HNRNPLL: variants seen among roughly 807,000 people sequenced by gnomAD.
HNRNPLL encodes the protein heterogeneous nuclear ribonucleoprotein L like, also known as heterogeneous nuclear ribonucleoprotein L-like.
HNRNPLL carries 25 observed loss-of-function variants against 67.1 expected under a neutral mutation model. That is an observed-to-expected ratio of 0.37 (90% CI 0.27 to 0.52). HNRNPLL has a LOEUF of 0.52. Among genes scored for constraint, HNRNPLL ranks in the 20% least tolerant of loss-of-function variants. The probability of loss-of-function intolerance (pLI) is 0.90; values close to 1 mark genes in which losing one functional copy is unlikely to be tolerated. For synonymous variants in HNRNPLL, 267 were observed against 241.7 expected (o/e 1.10, Z -0.97); for missense variants, 542 against 673.9 (o/e 0.80, Z 2.17).
chr2:38,567,198 G>T (rs146807955), intron 12 of HNRNPLL, among the ~76,000 whole-genome samples: 46 of 152,260 alleles, frequency 3.0e-4, no homozygotes, highest in African/African-American at 1.0e-3. Flanking sequence ...CACCTCCCAG[G>T]TTCAAGCAAT....
intron 1 of HNRNPLL, among the ~76,000 whole-genome samples, chr2:38,595,739 A>G (rs1011991414): frequency 2.4e-4 from 36 of 152,044 alleles, no homozygotes; most frequent in South Asian, 4.1e-4. Context: ...AGCTACTTGG[A>G]AGGCTGAGGC....
chr2:38,597,383 T>C (rs564824317), intron 1 of HNRNPLL, among the ~76,000 whole-genome samples: 27 of 152,252 alleles, frequency 1.8e-4, no homozygotes, highest in African/African-American at 6.5e-4. Context: ...ATCAATGCAG[T>C]CCCAAGAATA....
At position 38,602,538 on chromosome 2, in the gene HNRNPLL, C is replaced by G; in HGVS notation, c.89G>C (p.Gly30Ala). The G allele has an allele frequency of 6.4e-7, 1 of 1,559,840 alleles. No homozygotes were observed. Among genetic ancestry groups the G allele is most frequent in the Non-Finnish European group, 8.7e-7 (1 of 1,152,754 alleles). ...SQAKRLKTEE[G>A]EIDYSAEEGE... is the part of the protein sequence containing the mutation. ...TTCCTCGGCCGAGTAGTCGATCTCCCCCTCCTCGGTCTTGAGACGCTTGGC... is the reference window on the plus strand; with the variant it reads ...TTCCTCGGCCGAGTAGTCGATCTCCGCCTCCTCGGTCTTGAGACGCTTGGC... Residue 30 changes from glycine (G) to alanine (A), a missense_variant, in exon 1 of 13, where the codon GGG (glycine) becomes GCG (alanine). Physicochemically the swap from Gly to Ala is moderately conservative, Grantham distance 60. Around this residue, in one of 2 missense-constraint regions of HNRNPLL, gnomAD observed 127 missense variants for 98.7 expected, o/e 1.29. Coordinates refer to ENST00000449105, the MANE Select transcript of HNRNPLL (RefSeq NM_138394.4).
chr2:38,589,382 G>A (rs966879878), intron 2 of HNRNPLL, among the ~76,000 whole-genome samples: 1 of 152,120 alleles, frequency 6.6e-6, no homozygotes, highest in Non-Finnish European at 1.5e-5. Flanking sequence ...TTTCCAAATT[G>A]TAACATTTTG....
intron 1 of HNRNPLL, among the ~76,000 whole-genome samples, chr2:38,594,852 G>C (rs1009076822): frequency 2.6e-5 from 4 of 151,948 alleles, no homozygotes; most frequent in Non-Finnish European, 5.9e-5. Context: ...GCTGAGGCAA[G>C]AGAATTGCTT....
At chr2:38,599,281 T>G (rs1667327977) in intron 1 of HNRNPLL, among the ~76,000 whole-genome samples, 1 of 152,238 alleles carries the variant, frequency 6.6e-6, no homozygotes, top group African/African-American at 2.4e-5. Flanking sequence ...GATTTGCCTG[T>G]TTATTCACTA....
Position 38,562,809 on chromosome 2 carries a change from C to T in HNRNPLL, c.*1373G>A, listed in dbSNP as rs1665715886. ...ATAAATGTTAATGTGTGTTTAGTTT[C>T]CATCTAAACTTCCTATTAAACAGCT... On this transcript the variant is annotated 3_prime_UTR_variant, in exon 13 of 13. Coordinates refer to ENST00000449105, the MANE Select transcript of HNRNPLL (RefSeq NM_138394.4). 1 of 152,054 alleles carries T rather than the reference C, an allele frequency of 6.6e-6. No homozygotes were observed. The highest frequency in any genetic ancestry group is 6.6e-5 in the Admixed American group (1 of 15,266). 9.4% of individuals were successfully genotyped at this position (152,054 alleles called of 1,614,324 possible).
At chr2:38,596,637 A>T (rs1667204411) in intron 1 of HNRNPLL, among the ~76,000 whole-genome samples, 1 of 152,174 alleles carries the variant, frequency 6.6e-6, no homozygotes, top group African/African-American at 2.4e-5. Context: ...ACTGGTGAAC[A>T]AATCAGTTTT....
At position 38,568,410 on chromosome 2, in the gene HNRNPLL, T is replaced by C. The variant is rs756999172; in HGVS notation, c.1450A>G (p.Lys484Glu). The C allele has an allele frequency of 6.2e-7, 1 of 1,608,776 alleles. No homozygotes were observed. The highest frequency in any genetic ancestry group is 1.1e-5 in the South Asian group (1 of 90,436). ...CNDHEVLTFIKYKVFDAKPSA... is the reference protein window; with the variant it reads ...CNDHEVLTFIEYKVFDAKPSA... ...CGTTTTGCATCAAACACTTTATATT[T>C]GATGAATGTAAGAACTTCATGGTCA... Residue 484 changes from lysine (K) to glutamate (E), a missense_variant, in exon 11 of 13, where the codon AAA becomes GAA. Around this residue, in one of 2 missense-constraint regions of HNRNPLL, gnomAD observed 415 missense variants for 575.2 expected, o/e 0.72. Coordinates refer to ENST00000449105, the MANE Select transcript of HNRNPLL (RefSeq NM_138394.4).
At position 38,602,417 on chromosome 2, in the gene HNRNPLL, AG is replaced by A. The variant is rs776125820; in HGVS notation, c.189+20del. 1.9e-6 allele frequency: 3 copies of A among 1,544,344 alleles called. No homozygotes were observed. Among genetic ancestry groups the A allele is most frequent in the East Asian group, 4.8e-5 (2 of 41,960 alleles). ...CGGGGAGCAGCCAGGCACAGCGGACAGGGGGGCCGCGCTTTGTTACCGGCTG... is the reference window on the plus strand; with the variant it reads ...CGGGGAGCAGCCAGGCACAGCGGACAGGGGGCCGCGCTTTGTTACCGGCTG... On this transcript the variant is annotated intron_variant, in intron 1 of 12. Coordinates refer to ENST00000449105, the MANE Select transcript of HNRNPLL (RefSeq NM_138394.4).
chr2:38,588,053 T>G (rs1159705694), intron 2 of HNRNPLL, among the ~76,000 whole-genome samples: 1 of 152,098 alleles, frequency 6.6e-6, no homozygotes, highest in East Asian at 1.9e-4. Context: ...GATTCTAAGT[T>G]TTCTGAGGCC....
intron 7 of HNRNPLL, among the ~76,000 whole-genome samples, chr2:38,574,961 G>A (rs991361180): frequency 9.9e-5 from 15 of 151,428 alleles, no homozygotes; most frequent in African/African-American, 2.9e-4. Flanking sequence ...CTGCCTCCCC[G>A]CCACCTACCA....
intron 12 of HNRNPLL, chr2:38,565,995 A>G: frequency 1.0e-6 from 1 of 961,920 alleles, no homozygotes; most frequent in East Asian, 1.2e-4. Flanking sequence ...TTAAACCATC[A>G]TTCATCACCA....
At chr2:38,577,031 G>A (rs1039326450) in intron 7 of HNRNPLL, among the ~76,000 whole-genome samples, 5 of 151,812 alleles carry the variant, frequency 3.3e-5, no homozygotes, top group African/African-American at 1.2e-4. Flanking sequence ...GAACTATAAG[G>A]TGAGTCTAAC....
intron 1 of HNRNPLL, 101 bp from the exon 2 acceptor site, chr2:38,591,749 G>A (rs968928608): frequency 1.5e-6 from 1 of 655,866 alleles, no homozygotes; most frequent in Non-Finnish European, 2.7e-6. Flanking sequence ...GTCAAAGTGG[G>A]AGGGTCATTT....
intron 10 of HNRNPLL, 21 bp downstream of exon 10, chr2:38,569,112 C>T (rs1665974808): frequency 2.7e-6 from 4 of 1,490,844 alleles, no homozygotes; most frequent in Non-Finnish European, 1.9e-6. Context: ...ATTCTATACA[C>T]ATTTGTATTT....
chr2:38,573,587 C>T (rs929043831), intron 7 of HNRNPLL, among the ~76,000 whole-genome samples, 160 bp from the exon 8 acceptor site: 1 of 151,732 alleles, frequency 6.6e-6, no homozygotes, highest in African/African-American at 2.4e-5. Context: ...TTCAGTATAA[C>T]CTGAGGAAAA....
intron 12 of HNRNPLL, chr2:38,566,079 T>G (rs1665848880): frequency 1.0e-6 from 1 of 987,876 alleles, no homozygotes; most frequent in Non-Finnish European, 1.2e-6. Context: ...AGCAAAAAGT[T>G]TCAAAAATTA....
chr2:38,566,053 T>A (rs1355225265), intron 12 of HNRNPLL: 1 of 987,804 alleles, frequency 1.0e-6, no homozygotes, highest in African/African-American at 1.7e-5. Context: ...AGATCCAGGA[T>A]CAAAGTAAAT....
Sources: allele counts gnomAD v4.1 joint callset (sites outside exome capture counted in the v4.1 genomes callset), GRCh38; gene constraint gnomAD v4.1.1; regional missense constraint gnomAD v4.1.1; transcripts MANE v1.5; gene names NCBI Gene and HGNC (gene_info 2026-07-23, HGNC 2026-07-21).